Variants in LRRC1 observed in about 807,000 individuals in gnomAD.
The protein encoded by LRRC1 is leucine rich repeat containing 1, also known as leucine-rich repeat-containing protein 1.
LRRC1 carries 28 observed loss-of-function variants against 69.9 expected under a neutral mutation model. The ratio of observed to expected loss-of-function variants is 0.40; its 90% confidence interval spans 0.30 to 0.55. The LOEUF is 0.55. Among genes scored for constraint, LRRC1 ranks in the 20% least tolerant of loss-of-function variants. The probability of loss-of-function intolerance (pLI) is 0.47; values close to 1 mark genes in which losing one functional copy is unlikely to be tolerated. For missense variants in LRRC1, 498 were observed against 609.0 expected (o/e 0.82, Z 1.92); for synonymous variants, 236 against 240.2 (o/e 0.98, Z 0.16).
rs758617411 is a variant in LRRC1, at chr6:53,842,198, A to G, written c.248A>G (p.Gln83Arg). Residue 83 changes from glutamine to arginine, a missense_variant, in exon 2 of 14, where the codon CAG (glutamine) becomes CGG (arginine). By Grantham distance (43) the Gln-to-Arg change is conservative (BLOSUM62 1). Around this residue, in one of 3 missense-constraint regions of LRRC1, gnomAD observed 266 missense variants for 383.9 expected, o/e 0.69. Coordinates refer to ENST00000370888, the MANE Select transcript of LRRC1 (RefSeq NM_018214.5). Reference protein sequence around the residue: ...RLPPEIANFMQLVELDVSRNE... With the variant: ...RLPPEIANFMRLVELDVSRNE... Reference sequence around the variant, plus strand: ...CCTCCAGAAATAGCAAACTTCATGCAGCTGGTGGAACTAGATGTGTCTCGA... The same window carrying G: ...CCTCCAGAAATAGCAAACTTCATGCGGCTGGTGGAACTAGATGTGTCTCGA... 1 of 1,613,880 alleles carries G rather than the reference A, an allele frequency of 6.2e-7. No individual in the cohort carries two copies. Among genetic ancestry groups the G allele is most frequent in the Non-Finnish European group, 8.5e-7 (1 of 1,179,774 alleles).
At chr6:53,856,555 C>G (rs542961669) in intron 2 of LRRC1, among the ~76,000 whole-genome samples, 172 of 152,234 alleles carry the variant, frequency 1.1e-3, no homozygotes, top group African/African-American at 3.9e-3. Context: ...AAGGTCATTT[C>G]TGGGCAGATG....
intron 2 of LRRC1, among the ~76,000 whole-genome samples, chr6:53,860,236 C>A (rs73430291): frequency 0.017 from 2,547 of 152,290 alleles, 74 homozygotes; most frequent in African/African-American, 0.059. Context: ...AAGCACCACT[C>A]ATTATAATTC....
intron 13 of LRRC1, among the ~76,000 whole-genome samples, chr6:53,922,231 A>G (rs1413215659): frequency 6.6e-6 from 1 of 152,122 alleles, no homozygotes; most frequent in Non-Finnish European, 1.5e-5. Flanking sequence ...GCTTTGGGTA[A>G]TAGTAGAACA....
intron 4 of LRRC1, among the ~76,000 whole-genome samples, chr6:53,894,404 A>G (rs1004275170): frequency 2.0e-5 from 3 of 152,256 alleles, no homozygotes; most frequent in African/African-American, 7.2e-5. Flanking sequence ...GAAACTTGGC[A>G]TAACACTCAG....
At chr6:53,873,943 G>A (rs1373882692) in intron 2 of LRRC1, among the ~76,000 whole-genome samples, 2 of 152,206 alleles carry the variant, frequency 1.3e-5, no homozygotes, top group African/African-American at 2.4e-5. Context: ...CTTATAGACT[G>A]CTCCTCAGAA....
chr6:53,813,536 G>GTTTTTTT lies in LRRC1; in HGVS notation c.159+18128_159+18134dup, dbSNP rs373976626. On this transcript the variant is annotated intron_variant, in intron 1 of 13. Transcript: ENST00000370888. Reference sequence around the variant, plus strand: ...CCTGCTGTTACTGCCTGGCTCAGTGGTTTTTTTTTTTTTCTTTTTTTTTCT... The same window carrying GTTTTTTT: ...CCTGCTGTTACTGCCTGGCTCAGTGGTTTTTTTTTTTTTTTTTTTTCTTTTTTTTTCT... 5.7e-5 allele frequency among the ~76,000 whole-genome samples: 7 copies of GTTTTTTT among 123,684 alleles called. 1 individual carries two copies. Among genetic ancestry groups the GTTTTTTT allele is most frequent in the Non-Finnish European group, 9.9e-5 (6 of 60,712 alleles). The allele number at this position is 123,684 out of a possible 152,430, so 81.1% of individuals were successfully genotyped here.
rs549665097 is a variant in LRRC1 at position 53,879,147 on chromosome 6, G to A, written c.356+76G>A. On this transcript the variant is annotated intron_variant, in intron 3 of 13. Coordinates refer to ENST00000370888, the MANE Select transcript of LRRC1 (RefSeq NM_018214.5). ...GAGAGCCAAGCGGAGAACACAGTCA[G>A]GTTAACCATCTTGGAGGTACCTAGA... 3.5e-5 allele frequency: 34 copies of A among 979,100 alleles called. 1 individual carries two copies. The highest frequency in any genetic ancestry group is 3.2e-4 in the South Asian group (23 of 72,274). The allele number at this position is 979,100 out of a possible 1,614,324, so 60.7% of individuals were successfully genotyped here. A position where few individuals can be genotyped will look rare whatever the true frequency, so the allele number is the denominator to read the frequency against.
At chr6:53,903,261 A>G (rs1426098484) in intron 9 of LRRC1, among the ~76,000 whole-genome samples, 1 of 151,774 alleles carries the variant, frequency 6.6e-6, no homozygotes, top group Non-Finnish European at 1.5e-5. Flanking sequence ...GCTGCTTCTT[A>G]TTAGAACTTG....
intron 1 of LRRC1, among the ~76,000 whole-genome samples, chr6:53,826,336 G>C (rs1331931471): frequency 6.6e-6 from 1 of 151,838 alleles, no homozygotes; most frequent in Non-Finnish European, 1.5e-5. Context: ...TGTTAATAGA[G>C]GAACCTCCCC....
At chr6:53,832,913 C>T (rs1435451536) in intron 1 of LRRC1, among the ~76,000 whole-genome samples, 1 of 152,018 alleles carries the variant, frequency 6.6e-6, no homozygotes, top group Non-Finnish European at 1.5e-5. Context: ...TTTCCCTTAA[C>T]CCTAAAACAT....
rs189729589 is a variant in LRRC1, at chr6:53,912,329, A to G, written c.991-1525A>G. 4.4e-3 allele frequency among the ~76,000 whole-genome samples: 664 copies of G among 152,358 alleles called. 1 individual carries two copies. Among genetic ancestry groups the G allele is most frequent in the Non-Finnish European group, 6.5e-3 (444 of 68,038 alleles). ...CTGTGAAGACTCAATGGAGGAATAG[A>G]CGATGTTTAGCTAATTTTGGATCAT... On this transcript the variant is annotated intron_variant, in intron 10 of 13. Transcript: ENST00000370888.
intron 1 of LRRC1, among the ~76,000 whole-genome samples, chr6:53,830,307 C>T (rs1490263755): frequency 6.6e-6 from 1 of 152,180 alleles, no homozygotes; most frequent in Non-Finnish European, 1.5e-5. Flanking sequence ...AGAAAGAAAG[C>T]AGACTTGTTA....
At chr6:53,883,861 C>G in intron 4 of LRRC1, 2 of 714,138 alleles carry the variant, frequency 2.8e-6, no homozygotes, top group South Asian at 1.5e-5. Flanking sequence ...TGAGCACAGT[C>G]TGACATGTCT....
chr6:53,857,619 C>A (rs1766353793), intron 2 of LRRC1, among the ~76,000 whole-genome samples: 2 of 152,130 alleles, frequency 1.3e-5, no homozygotes, highest in South Asian at 4.2e-4. Flanking sequence ...TAAGGCAGGG[C>A]AGCACATTCA....
intron 4 of LRRC1, among the ~76,000 whole-genome samples, chr6:53,885,803 C>T (rs1468812119): frequency 6.6e-6 from 1 of 152,174 alleles, no homozygotes; most frequent in Non-Finnish European, 1.5e-5. Context: ...GGACACATCT[C>T]TCCCATCATG....
At chr6:53,833,212 C>CT (rs1441408716) in intron 1 of LRRC1, among the ~76,000 whole-genome samples, 3 of 152,194 alleles carry the variant, frequency 2.0e-5, no homozygotes, top group Non-Finnish European at 4.4e-5. Flanking sequence ...ATCCATTTTG[C>CT]TTTTAGTAAA....
chr6:53,830,189 A>G (rs191715079), intron 1 of LRRC1, among the ~76,000 whole-genome samples: 80 of 152,378 alleles, frequency 5.3e-4, no homozygotes, highest in Admixed American at 1.4e-3. Context: ...TTAGTTCCAC[A>G]TCTTACGTAG....
Position 53,922,771 on chromosome 6 carries a change from A to T in LRRC1, c.1553A>T (p.Asp518Val). ...SNKNEVNHAI[D>V]RVTTSV The stretch of plus-strand genomic sequence containing the variant: ...AAAAACGAGGTCAATCATGCCATTG[A>T]CCGAGTGACCACTTCTGTGTAGAGT... The change falls in exon 14 of 14, where the codon GAC becomes GTC. Residue 518 changes from aspartate to valine, a missense_variant. Asp to Val is a radical substitution (Grantham distance 152). Around this residue, in one of 3 missense-constraint regions of LRRC1, gnomAD observed 162 missense variants for 162.9 expected, o/e 0.99. Coordinates refer to ENST00000370888, the MANE Select transcript of LRRC1 (RefSeq NM_018214.5). 2 of 1,613,972 alleles carry T rather than the reference A, an allele frequency of 1.2e-6. No individual in the cohort carries two copies. Among genetic ancestry groups the T allele is most frequent in the Non-Finnish European group, 1.7e-6 (2 of 1,179,892 alleles).
intron 10 of LRRC1, 45 bp from the exon 11 acceptor site, chr6:53,913,808 TC>T: frequency 7.7e-7 from 1 of 1,300,014 alleles, no homozygotes; most frequent in Non-Finnish European, 1.1e-6. Context: ...CTACTCCATC[TC>T]CCCTAGAAAA....
Sources: gnomAD v4.1 joint callset for allele counts (sites outside exome capture counted in the v4.1 genomes callset) on GRCh38, gnomAD v4.1.1 for gene constraint, gnomAD v4.1.1 regional missense constraint, MANE v1.5 for transcripts, NCBI Gene and HGNC (gene_info 2026-07-23, HGNC 2026-07-21) for gene names.